Variants in PHF11 observed in about 807,000 individuals in gnomAD.
PHF11 encodes BRCA1 C-terminus-associated protein.
A neutral mutation model predicts 40.5 loss-of-function variants in PHF11; 38 were observed. The observed-to-expected ratio is 0.94, with a 90% confidence interval of 0.72 to 1.23. The LOEUF is 1.23. PHF11 is among the 50% of genes most tolerant of loss of function. PHF11 has a pLI of 0.00. For synonymous variants in PHF11, 127 were observed against 138.2 expected, an observed-to-expected ratio of 0.92 and a Z score of 0.57; for missense variants, 369 against 392.4, an observed-to-expected ratio of 0.94 and a Z score of 0.50.
At position 49,506,747 on chromosome 13, in the gene PHF11, G is replaced by A; in HGVS notation, c.207G>A (p.Glu69=). 1 of 1,607,794 alleles carries A rather than the reference G, an allele frequency of 6.2e-7. No homozygotes were observed. The highest frequency in any genetic ancestry group is 8.5e-7 in the Non-Finnish European group (1 of 1,175,380). ...FAQSENIAAH[E]NCLLYSSGLV... is the part of the protein sequence containing the mutation. ...AATCAGAGAATATAGCTGCTCATGA[G>A]AATTGTTTGGTAAGTTACTTGAAAA... The change falls in exon 2 of 10, where the codon GAG becomes GAA. Residue 69 remains glutamate, a synonymous_variant. Coordinates refer to ENST00000378319, the MANE Select transcript of PHF11 (RefSeq NM_001040443.3).
At chr13:49,524,287 C>T (rs138441280) in intron 8 of PHF11, 71 bp downstream of exon 8, 4 of 1,124,478 alleles carry the variant, frequency 3.6e-6, no homozygotes, top group Non-Finnish European at 5.0e-6. Flanking sequence ...AAAACAAACC[C>T]AAGAAAAAAA....
intron 8 of PHF11, 91 bp downstream of exon 8, chr13:49,524,307 A>G: frequency 9.9e-7 from 1 of 1,005,044 alleles, no homozygotes; most frequent in Non-Finnish European, 1.5e-6. Context: ...AAAAAGGCCC[A>G]TTTTCTTCCT....
Position 49,518,134 on chromosome 13 carries a change from A to G in PHF11, c.441A>G (p.Gly147=). The change falls in exon 4 of 10, where the codon GGA becomes GGG. Residue 147 remains glycine (G), a synonymous_variant. Transcript: ENST00000378319. ...KKDDAVPQSD[G]VRGIYKLLCQ... is the part of the protein sequence containing the mutation. The stretch of plus-strand genomic sequence containing the variant: ...ACGACGCAGTTCCACAGTCTGATGG[A>G]GTTCGAGGAATTTATAAGTATTTAA... 1 of 1,597,286 alleles carries G rather than the reference A, an allele frequency of 6.3e-7. No homozygotes were observed. Among genetic ancestry groups the G allele is most frequent in the Non-Finnish European group, 8.5e-7 (1 of 1,170,730 alleles).
intron 2 of PHF11, among the ~76,000 whole-genome samples, chr13:49,512,469 A>G (rs1226287204): frequency 6.6e-6 from 1 of 152,198 alleles, no homozygotes; most frequent in Non-Finnish European, 1.5e-5. Flanking sequence ...TATGTTTCTC[A>G]TGCCCTTTTG....
chr13:49,521,148 T>TTG (rs1171907442), intron 5 of PHF11: 7 of 1,232,294 alleles, frequency 5.7e-6, no homozygotes, highest in Non-Finnish European at 3.0e-6. Context: ...ACCTATTCTC[T>TTG]TTGAACCATT....
In PHF11 at chr13:49,506,938, C is replaced by G. The variant is rs1033179934; in HGVS notation, c.216+182C>G. Among the ~76,000 whole-genome samples the G allele has an allele frequency of 6.3e-5, 7 of 111,474 alleles. No individual in the cohort carries two copies. In the South Asian group the frequency reaches 9.4e-4, roughly 15 times the overall value. 73.1% of individuals were successfully genotyped at this position (111,474 alleles called of 152,430 possible). On this transcript the variant is annotated intron_variant, in intron 2 of 9. Transcript: ENST00000378319. ...TTTTTTTTTGAGACGGAGTTTCACT[C>G]TGTCACCCAGGCTGGAGTGTGGTGG... is the stretch of plus-strand genomic sequence containing the variant.
chr13:49,497,227 G>A (rs1255796578), intron 1 of PHF11: 4 of 1,281,884 alleles, frequency 3.1e-6, no homozygotes, highest in African/African-American at 1.5e-5. Flanking sequence ...GGTAAGTCAC[G>A]GGAGATGCGC....
chr13:49,500,963 G>C (rs997263813), intron 1 of PHF11, among the ~76,000 whole-genome samples: 5 of 146,784 alleles, frequency 3.4e-5, no homozygotes, highest in African/African-American at 5.1e-5. Context: ...TATCCTGTCA[G>C]ATAGTATCGC....
chr13:49,528,257 A>C lies in PHF11; in HGVS notation c.842-254A>C, dbSNP rs565644921. On this transcript the variant is annotated intron_variant, in intron 9 of 9. Coordinates refer to ENST00000378319, the MANE Select transcript of PHF11 (RefSeq NM_001040443.3). ...GATATACAAAGGGACTTGTTCTGCT[A>C]TAAATGTGCACAAAATCTTAAGGGT... 1.4e-4 allele frequency among the ~76,000 whole-genome samples: 21 copies of C among 152,338 alleles called. No homozygotes were observed. The South Asian group carries it at 2.7e-3, about 20-fold the overall frequency.
chr13:49,511,651 G>A (rs139108701), intron 2 of PHF11, among the ~76,000 whole-genome samples: 174 of 152,200 alleles, frequency 1.1e-3, no homozygotes, highest in African/African-American at 4.0e-3. Flanking sequence ...TATCTGTAGA[G>A]GTATAGAACT....
chr13:49,496,830 CTTTT>C lies in PHF11; in HGVS notation c.94+753_94+756del, dbSNP rs34505707. Among the ~76,000 whole-genome samples, 10 of 88,050 alleles carry C rather than the reference CTTTT, an allele frequency of 1.1e-4. No homozygotes were observed. The East Asian group carries it at 2.4e-3, about 21-fold the overall frequency. 57.8% of individuals were successfully genotyped at this position (88,050 alleles called of 152,430 possible). On this transcript the variant is annotated intron_variant, in intron 1 of 9. Coordinates refer to ENST00000378319, the MANE Select transcript of PHF11 (RefSeq NM_001040443.3). Reference sequence around the variant, plus strand: ...TGAGGAGAGGATGGCTGGGCTTACCCTTTTTTTTTTTTTTTTTTTTTGAGAGGAG... The same window carrying C: ...TGAGGAGAGGATGGCTGGGCTTACCCTTTTTTTTTTTTTTTTTGAGAGGAG...
Position 49,524,110 on chromosome 13 carries a change from TAAG to T in PHF11, c.666_668del (p.Lys223del), listed in dbSNP as rs756042874. The T allele has an allele frequency of 3.1e-6, 5 of 1,606,654 alleles. No individual in the cohort carries two copies. The highest frequency in any genetic ancestry group is 4.3e-6 in the Non-Finnish European group (5 of 1,176,170). Reference sequence around the variant, plus strand: ...ATGCAACTGTGAAAGTTCCTTTTCTTAAGAAATGCAAGGAAGCAGGACTTCTTA... The same window carrying T: ...ATGCAACTGTGAAAGTTCCTTTTCTTAAATGCAAGGAAGCAGGACTTCTTA... On this transcript the variant is annotated inframe_deletion, in exon 8 of 10. Coordinates refer to ENST00000378319, the MANE Select transcript of PHF11 (RefSeq NM_001040443.3).
Position 49,518,072 on chromosome 13 carries a change from T to C in PHF11, c.379T>C (p.Cys127Arg). 1.3e-6 allele frequency: 2 copies of C among 1,599,866 alleles called. No individual in the cohort carries two copies. Among genetic ancestry groups the C allele is most frequent in the East Asian group, 4.5e-5 (2 of 44,724 alleles). ...CACCGTGGGATGTGATTTAAAAAAC[T>C]GTAACAAGAATTACCACTTTTTCTG... ...GATVGCDLKN[C>R]NKNYHFFCAK... The change falls in exon 4 of 10, where the codon TGT becomes CGT. Residue 127 changes from cysteine (C) to arginine (R), a missense_variant. Coordinates refer to ENST00000378319, the MANE Select transcript of PHF11 (RefSeq NM_001040443.3).
chr13:49,523,444 C>T, intron 7 of PHF11: 1 of 573,720 alleles, frequency 1.7e-6, no homozygotes, highest in Non-Finnish European at 3.1e-6. Flanking sequence ...TGGTCCATTG[C>T]ATTCAGTATT....
intron 2 of PHF11, among the ~76,000 whole-genome samples, chr13:49,508,755 G>C (rs541460035): frequency 6.6e-6 from 1 of 151,806 alleles, no homozygotes; most frequent in East Asian, 1.9e-4. Flanking sequence ...CCTTTAATTC[G>C]GGGGACTCTT....
At chr13:49,509,234 C>T (rs1195733138) in intron 2 of PHF11, among the ~76,000 whole-genome samples, 7 of 145,872 alleles carry the variant, frequency 4.8e-5, no homozygotes, top group Non-Finnish European at 8.9e-5. Context: ...TTTTTTGAGA[C>T]AGAGTCTTGC....
chr13:49,513,653 A>G (rs1288699823), intron 3 of PHF11, among the ~76,000 whole-genome samples: 2 of 152,126 alleles, frequency 1.3e-5, no homozygotes, highest in African/African-American at 2.4e-5. Flanking sequence ...TTTAAAATAA[A>G]CTACCATATA....
chr13:49,525,320 T>G (rs922946770), intron 8 of PHF11, among the ~76,000 whole-genome samples: 10 of 152,246 alleles, frequency 6.6e-5, no homozygotes, highest in Admixed American at 2.0e-4. Flanking sequence ...TGATCTCAGC[T>G]CATTGCAACC....
chr13:49,507,240 A>G (rs950217224), intron 2 of PHF11, among the ~76,000 whole-genome samples: 15 of 152,100 alleles, frequency 9.9e-5, no homozygotes, highest in South Asian at 2.1e-4. Context: ...GAACTGTTTC[A>G]GATTTAAAAT....
Sources: allele counts gnomAD v4.1 joint callset (sites outside exome capture counted in the v4.1 genomes callset), GRCh38; gene constraint gnomAD v4.1.1; transcripts MANE v1.5; gene names NCBI Gene and HGNC (gene_info 2026-07-23, HGNC 2026-07-21).